TEK: variants seen among roughly 807,000 people sequenced by gnomAD.
The protein encoded by TEK is TEK receptor tyrosine kinase, also known as angiopoietin-1 receptor.
Under a neutral mutation model 131.8 loss-of-function variants are expected in TEK, and 43 were observed. That is an observed-to-expected ratio of 0.33 (90% CI 0.26 to 0.42). TEK has a LOEUF of 0.42. TEK is among the 10% of genes least tolerant of loss of function. TEK has a pLI of 1.00. For missense variants in TEK, 1,162 were observed against 1,384.4 expected (o/e 0.84, Z 2.55); for synonymous variants, 580 against 491.6 (o/e 1.18, Z -2.38).
At chr9:27,153,787 G>C (rs1823220198) in intron 1 of TEK, among the ~76,000 whole-genome samples, 1 of 152,216 alleles carries the variant, frequency 6.6e-6, no homozygotes, top group Admixed American at 6.5e-5. Flanking sequence ...AAAATGTCTT[G>C]AGTGGCACCA....
chr9:27,138,355 G>C (rs1431788576), intron 1 of TEK, among the ~76,000 whole-genome samples: 6 of 152,170 alleles, frequency 3.9e-5, no homozygotes. Flanking sequence ...AGTGCTGATT[G>C]GTCCTTTTTA....
chr9:27,142,684 A>G (rs945689162), intron 1 of TEK, among the ~76,000 whole-genome samples: 1 of 152,238 alleles, frequency 6.6e-6, no homozygotes, highest in African/African-American at 2.4e-5. Context: ...CAGTCAAACA[A>G]TGGATATGGA....
intron 6 of TEK, among the ~76,000 whole-genome samples, chr9:27,177,324 C>A (rs1457602279): frequency 6.6e-6 from 1 of 152,176 alleles, no homozygotes; most frequent in African/African-American, 2.4e-5. Flanking sequence ...TACAAGGGTT[C>A]CCTATTATCT....
chr9:27,135,648 A>G (rs762502625), intron 1 of TEK, among the ~76,000 whole-genome samples: 72 of 152,214 alleles, frequency 4.7e-4, no homozygotes, highest in Non-Finnish European at 9.0e-4. Context: ...TTCATTTTAC[A>G]GATGACCAAT....
In TEK at chr9:27,199,480, C is replaced by G. The variant is rs552775479; in HGVS notation, c.1909+1881C>G. On this transcript the variant is annotated intron_variant, in intron 12 of 22. Coordinates refer to ENST00000380036, the MANE Select transcript of TEK (RefSeq NM_000459.5). ...CAGGAGTGTATGACAGTGCCATTTT[C>G]CTTATACCCATCTCTATGTCTATAT... Among the ~76,000 whole-genome samples, 18 of 152,232 alleles carry G rather than the reference C, an allele frequency of 1.2e-4. No homozygotes were observed. In the East Asian group the frequency reaches 3.1e-3, roughly 26 times the overall value.
rs1379226369 is a variant in TEK at position 27,190,554 on chromosome 9, A to T, written c.1353A>T (p.Pro451=). The T allele has an allele frequency of 6.2e-7, 1 of 1,613,934 alleles. No individual in the cohort carries two copies. The highest frequency in any genetic ancestry group is 8.5e-7 in the Non-Finnish European group (1 of 1,179,928). ...TTCTTCCAAAGCCCCTGAATGCCCC[A>T]AACGTGATTGACACTGGACATAACT... ...VKVLPKPLNA[P]NVIDTGHNFA... The change falls in exon 10 of 23, where the codon CCA becomes CCT. Residue 451 remains proline (P), a synonymous_variant. Transcript: ENST00000380036.
chr9:27,152,169 A>C (rs1222309913), intron 1 of TEK, among the ~76,000 whole-genome samples: 1 of 152,242 alleles, frequency 6.6e-6, no homozygotes, highest in Non-Finnish European at 1.5e-5. Flanking sequence ...ATTTCCAAAA[A>C]ACCATACAGT....
intron 1 of TEK, among the ~76,000 whole-genome samples, chr9:27,113,605 A>G (rs1160491175): frequency 1.3e-5 from 2 of 149,940 alleles, no homozygotes; most frequent in Admixed American, 6.7e-5. Flanking sequence ...AAAATAAAAT[A>G]AAATAAATAA....
Position 27,141,329 on chromosome 9 carries a change from C to T in TEK, c.53-16502C>T, listed in dbSNP as rs1218822107. 2.6e-5 allele frequency among the ~76,000 whole-genome samples: 4 copies of T among 151,944 alleles called. No individual in the cohort carries two copies. In the East Asian group the frequency reaches 7.7e-4, roughly 29 times the overall value. On this transcript the variant is annotated intron_variant, in intron 1 of 22. Transcript: ENST00000380036. ...CTGTTTTTTATTTTATTAATGGCCACCTTCAAGTTTTTCAAAAGTGTTATT... is the reference window on the plus strand; with the variant it reads ...CTGTTTTTTATTTTATTAATGGCCATCTTCAAGTTTTTCAAAAGTGTTATT...
chr9:27,192,393 A>G (rs1302554984), intron 10 of TEK, 96 bp from the exon 11 acceptor site: 2 of 1,476,102 alleles, frequency 1.4e-6, no homozygotes, highest in South Asian at 1.1e-5. Context: ...TAGTTTTGAA[A>G]ACCTAAAATT....
chr9:27,135,699 G>C (rs1487954101), intron 1 of TEK, among the ~76,000 whole-genome samples: 2 of 152,170 alleles, frequency 1.3e-5, no homozygotes, highest in Non-Finnish European at 2.9e-5. Context: ...GTAAGTGGCA[G>C]ATCTAGAATT....
At chr9:27,124,575 C>T (rs747388223) in intron 1 of TEK, among the ~76,000 whole-genome samples, 8 of 152,188 alleles carry the variant, frequency 5.3e-5, no homozygotes, top group African/African-American at 9.7e-5. Context: ...CTGCCCACAA[C>T]GAGGCCAAAG....
chr9:27,215,324 A>T (rs1825780175), intron 18 of TEK, among the ~76,000 whole-genome samples: 1 of 152,078 alleles, frequency 6.6e-6, no homozygotes, highest in Non-Finnish European at 1.5e-5. Flanking sequence ...GGTTTGAGGG[A>T]AGGGGGAAGA....
At chr9:27,112,693 C>T (rs1821393363) in intron 1 of TEK, among the ~76,000 whole-genome samples, 2 of 152,188 alleles carry the variant, frequency 1.3e-5, no homozygotes, top group South Asian at 2.1e-4. Context: ...GTGATTGTAT[C>T]ACCTGCTTAT....
intron 1 of TEK, among the ~76,000 whole-genome samples, chr9:27,113,299 A>G (rs1821417459): frequency 6.6e-6 from 1 of 152,146 alleles, no homozygotes; most frequent in South Asian, 2.1e-4. Context: ...CTCTTAATAA[A>G]TGAAGCTTGG....
chr9:27,121,822 G>C (rs1024509655), intron 1 of TEK, among the ~76,000 whole-genome samples: 6 of 152,172 alleles, frequency 3.9e-5, no homozygotes, highest in African/African-American at 1.4e-4. Flanking sequence ...TTAGCCACTC[G>C]AATCCTGTCC....
At chr9:27,198,044 A>G (rs151065778) in intron 12 of TEK, among the ~76,000 whole-genome samples, 117 of 148,490 alleles carry the variant, frequency 7.9e-4, no homozygotes, top group African/African-American at 2.7e-3. Context: ...ATCTAGGAGT[A>G]ATAAAATCAC....
At chr9:27,192,027 G>T in intron 10 of TEK, 1 of 445,148 alleles carries the variant, frequency 2.2e-6, no homozygotes, top group Non-Finnish European at 4.5e-6. Context: ...ACTTCAGAAT[G>T]CTTCATTGTA....
intron 20 of TEK, among the ~76,000 whole-genome samples, chr9:27,219,496 G>C (rs1825962746): frequency 6.6e-6 from 1 of 152,142 alleles, no homozygotes; most frequent in South Asian, 2.1e-4. Context: ...AGAGGGTAGG[G>C]AACAAGGGGA....
Sources: allele counts gnomAD v4.1 joint callset (sites outside exome capture counted in the v4.1 genomes callset), GRCh38; gene constraint gnomAD v4.1.1; transcripts MANE v1.5; gene names NCBI Gene and HGNC (gene_info 2026-07-23, HGNC 2026-07-21).